Variants in CNTNAP5 observed in about 807,000 individuals in gnomAD.
CNTNAP5 encodes contactin associated protein family member 5.
A neutral mutation model predicts 150.2 loss-of-function variants in CNTNAP5; 72 were observed. That is an observed-to-expected ratio of 0.48 (90% confidence interval 0.40 to 0.58). The LOEUF (loss-of-function observed/expected upper bound fraction) is 0.58, where lower values mean the gene tolerates loss of function less well. Among genes scored for constraint, CNTNAP5 ranks in the 20% least tolerant of loss-of-function variants. The probability of loss-of-function intolerance (pLI) is 0.00; values close to 1 mark genes in which losing one functional copy is unlikely to be tolerated. For missense variants in CNTNAP5, 1,636 were observed against 1,626.2 expected, an observed-to-expected ratio of 1.01 and a Z score of -0.10; for synonymous variants, 672 against 619.8, an observed-to-expected ratio of 1.08 and a Z score of -1.25.
At chr2:124,108,034 T>G (rs1245701564) in intron 1 of CNTNAP5, among the ~76,000 whole-genome samples, 1 of 152,220 alleles carries the variant, frequency 6.6e-6, no homozygotes. Context: ...TGAATCTGCA[T>G]TTTTACATAA....
chr2:124,824,464 C>T (rs1008595947), intron 19 of CNTNAP5, among the ~76,000 whole-genome samples: 8 of 152,082 alleles, frequency 5.3e-5, no homozygotes, highest in Non-Finnish European at 1.2e-4. Context: ...TTTAATCCAT[C>T]GTGTCCATGG....
At chr2:124,254,419 G>A (rs1038363706) in intron 3 of CNTNAP5, among the ~76,000 whole-genome samples, 4 of 152,140 alleles carry the variant, frequency 2.6e-5, no homozygotes, top group African/African-American at 9.7e-5. Flanking sequence ...TCCCTTTCGT[G>A]GCTCCTGCGC....
At chr2:124,860,485 TTCC>T (rs1677498059) in intron 19 of CNTNAP5, among the ~76,000 whole-genome samples, 4 of 107,718 alleles carry the variant, frequency 3.7e-5, no homozygotes, top group African/African-American at 1.7e-4. Context: ...CCTTCCTTCC[TTCC>T]TTCCTTCCTT....
In CNTNAP5 at chr2:124,918,410, G is replaced by A. The variant is rs935329719; in HGVS notation, c.*4122G>A. 6.6e-6 allele frequency among the ~76,000 whole-genome samples: 1 copy of A among 151,982 alleles called. No homozygotes were observed. The highest frequency in any genetic ancestry group is 1.5e-5 in the Non-Finnish European group (1 of 67,982). On this transcript the variant is annotated 3_prime_UTR_variant, in exon 24 of 24. Transcript: ENST00000682447. ...AAAAAATGTTGTCCATTTATGTGAG[G>A]TCTCACCTCTGAGCCTGAGTGAGTG...
intron 7 of CNTNAP5, among the ~76,000 whole-genome samples, chr2:124,479,876 T>A (rs1213324752): frequency 6.6e-6 from 1 of 152,132 alleles, no homozygotes; most frequent in East Asian, 1.9e-4. Context: ...CCCTCATACA[T>A]AAAATGAGGG....
At chr2:124,456,901 T>C (rs867946376) in intron 6 of CNTNAP5, among the ~76,000 whole-genome samples, 1 of 152,170 alleles carries the variant, frequency 6.6e-6, no homozygotes, top group Non-Finnish European at 1.5e-5. Context: ...TCACACCACA[T>C]AGAAAAGTCA....
chr2:124,829,129 TG>T (rs1264287071), intron 19 of CNTNAP5, among the ~76,000 whole-genome samples: 3 of 152,074 alleles, frequency 2.0e-5, no homozygotes, highest in Non-Finnish European at 4.4e-5. Flanking sequence ...GCAAGAGATG[TG>T]GGGGGCCATG....
chr2:124,880,170 T>G (rs1224390548), intron 21 of CNTNAP5, among the ~76,000 whole-genome samples: 1 of 152,172 alleles, frequency 6.6e-6, no homozygotes, highest in Non-Finnish European at 1.5e-5. Flanking sequence ...TCACTGTCAC[T>G]TAGGAATGAT....
intron 19 of CNTNAP5, among the ~76,000 whole-genome samples, chr2:124,853,355 G>C (rs879550875): frequency 6.6e-6 from 1 of 152,090 alleles, no homozygotes; most frequent in Non-Finnish European, 1.5e-5. Flanking sequence ...AATTTCCTTG[G>C]CATTCCTTGC....
chr2:124,440,693 A>G (rs1284241712), intron 5 of CNTNAP5, among the ~76,000 whole-genome samples: 1 of 152,130 alleles, frequency 6.6e-6, no homozygotes, highest in East Asian at 1.9e-4. Flanking sequence ...TGGGTAGTAT[A>G]TATCTTATTT....
intron 1 of CNTNAP5, among the ~76,000 whole-genome samples, chr2:124,086,027 TTC>T (rs2104680602): frequency 6.6e-6 from 1 of 152,274 alleles, no homozygotes; most frequent in South Asian, 2.1e-4. Context: ...CTTGCTGATA[TTC>T]TGTCTCCTTG....
intron 1 of CNTNAP5, among the ~76,000 whole-genome samples, chr2:124,038,174 C>T (rs567018979): frequency 3.9e-5 from 6 of 152,132 alleles, no homozygotes; most frequent in Non-Finnish European, 7.3e-5. Context: ...GGACCCTGTC[C>T]GACTGGCTTC....
chr2:124,178,713 G>A (rs947046222), intron 1 of CNTNAP5, among the ~76,000 whole-genome samples: 6 of 152,064 alleles, frequency 3.9e-5, no homozygotes, highest in African/African-American at 1.4e-4. Flanking sequence ...GGTGATGGTG[G>A]CAGTTGAATT....
intron 3 of CNTNAP5, among the ~76,000 whole-genome samples, chr2:124,284,282 C>T (rs13394416): frequency 3.3e-5 from 5 of 152,078 alleles, no homozygotes; most frequent in African/African-American, 7.2e-5. Flanking sequence ...AGTCTTTTTC[C>T]ACAAGGCTAC....
intron 1 of CNTNAP5, among the ~76,000 whole-genome samples, chr2:124,175,537 C>T (rs1188016133): frequency 4.6e-5 from 7 of 152,052 alleles, no homozygotes; most frequent in Non-Finnish European, 8.8e-5. Context: ...CATATGGTTC[C>T]ATCACCCGGG....
intron 3 of CNTNAP5, among the ~76,000 whole-genome samples, chr2:124,343,989 C>T (rs1689679923): frequency 6.6e-6 from 1 of 152,064 alleles, no homozygotes; most frequent in Non-Finnish European, 1.5e-5. Context: ...ACTAATCTAT[C>T]CCCATGAGAA....
chr2:124,155,606 TA>T (rs899383400), intron 1 of CNTNAP5, among the ~76,000 whole-genome samples: 1 of 152,214 alleles, frequency 6.6e-6, no homozygotes, highest in African/African-American at 2.4e-5. Flanking sequence ...TTTGTTTTCT[TA>T]AACAGCATTT....
At chr2:124,274,457 T>C (rs532887662) in intron 3 of CNTNAP5, among the ~76,000 whole-genome samples, 2 of 152,214 alleles carry the variant, frequency 1.3e-5, no homozygotes, top group African/African-American at 4.8e-5. Context: ...TTTGTGTGGA[T>C]TGCACAGAAG....
intron 2 of CNTNAP5, among the ~76,000 whole-genome samples, chr2:124,227,650 G>GTA: frequency 6.6e-6 from 1 of 151,020 alleles, no homozygotes; most frequent in South Asian, 2.1e-4. Flanking sequence ...ATGTGTGTGT[G>GTA]TGTGTGTGTG....
Sources: allele counts gnomAD v4.1 joint callset (sites outside exome capture counted in the v4.1 genomes callset), GRCh38; gene constraint gnomAD v4.1.1; transcripts MANE v1.5; gene names NCBI Gene and HGNC (gene_info 2026-07-23, HGNC 2026-07-21).